The following MCC variants were observed in gnomAD, a reference collection of about 807,000 sequenced individuals.
MCC encodes the protein MCC regulator of Wnt signaling pathway.
A neutral mutation model predicts 116.2 loss-of-function variants in MCC; 90 were observed. The ratio of observed to expected loss-of-function variants is 0.77; its 90% CI spans 0.65 to 0.92. The LOEUF (loss-of-function observed/expected upper bound fraction) is 0.92, where lower values mean the gene tolerates loss of function less well. Ranked by LOEUF, MCC falls within the 40% of genes least tolerant of loss-of-function variation. The probability of loss-of-function intolerance (pLI) is 0.00; values close to 1 mark genes in which losing one functional copy is unlikely to be tolerated. For missense variants in MCC, 1,516 were observed against 1,312.2 expected (o/e 1.16, Z -2.40); for synonymous variants, 578 against 510.5 (o/e 1.13, Z -1.78).
intron 3 of MCC, among the ~76,000 whole-genome samples, chr5:113,265,639 G>C (rs1483243091): frequency 1.3e-5 from 2 of 152,052 alleles, no homozygotes; most frequent in African/African-American, 4.8e-5. Flanking sequence ...AAGTACACCG[G>C]GGTCTCTGGG....
In MCC at chr5:113,024,598, T is replaced by A. The variant is rs1285643321; in HGVS notation, c.*2704A>T. ...GGAAACTAGGGAGAACAATTCAAAA[T>A]ACGAAATCTGAAGGTTTTTAACCTC... is the stretch of plus-strand genomic sequence containing the variant. On this transcript the variant is annotated 3_prime_UTR_variant, in exon 19 of 19. Coordinates refer to ENST00000408903, the MANE Select transcript of MCC (RefSeq NM_001085377.2). The A allele has an allele frequency of 4.6e-5, 7 of 152,182 alleles. No homozygotes were observed. Among genetic ancestry groups the A allele is most frequent in the African/African-American group, 1.7e-4 (7 of 41,458 alleles). The allele number at this position is 152,182 out of a possible 1,614,324, so 9.4% of individuals were successfully genotyped here. A position where few individuals can be genotyped will look rare whatever the true frequency, so the allele number is the denominator to read the frequency against.
At chr5:113,474,779 A>G in intron 1 of MCC, among the ~76,000 whole-genome samples, 1 of 152,194 alleles carries the variant, frequency 6.6e-6, no homozygotes. Context: ...GCCTATAATA[A>G]ATATAAAATT....
chr5:113,358,216 A>C (rs1347716462), intron 2 of MCC, among the ~76,000 whole-genome samples: 1 of 152,212 alleles, frequency 6.6e-6, no homozygotes, highest in Non-Finnish European at 1.5e-5. Context: ...TTCCATTAGT[A>C]AGTCAGTCTT....
intron 1 of MCC, among the ~76,000 whole-genome samples, chr5:113,471,668 C>G (rs1772094804): frequency 6.6e-6 from 1 of 151,770 alleles, no homozygotes; most frequent in Non-Finnish European, 1.5e-5. Context: ...AAGCTGCATG[C>G]TGGGAGAACC....
At chr5:113,042,713 C>T (rs1254300504) in intron 17 of MCC, among the ~76,000 whole-genome samples, 1 of 151,738 alleles carries the variant, frequency 6.6e-6, no homozygotes, top group Non-Finnish European at 1.5e-5. Flanking sequence ...CTCTTGAGAA[C>T]TTGAAATGTC....
chr5:113,346,932 G>A (rs1421181481), intron 2 of MCC, among the ~76,000 whole-genome samples: 8 of 149,132 alleles, frequency 5.4e-5, no homozygotes, highest in African/African-American at 2.0e-4. Flanking sequence ...CATATTTAAA[G>A]TGCTGAAGGA....
chr5:113,479,375 C>T (rs1180737314), intron 1 of MCC, among the ~76,000 whole-genome samples: 3 of 152,144 alleles, frequency 2.0e-5, no homozygotes, highest in Non-Finnish European at 4.4e-5. Context: ...AAAATCAATC[C>T]TGATTTTGGT....
chr5:113,424,132 TACACACACACACACACAC>T (rs547192248), intron 1 of MCC, among the ~76,000 whole-genome samples: 126 of 112,706 alleles, frequency 1.1e-3, no homozygotes, highest in African/African-American at 3.7e-3. Flanking sequence ...AGTCATCCTC[TACACACACACACACACAC>T]ACACACACAC....
chr5:113,286,045 T>G (rs1581367403), intron 3 of MCC, among the ~76,000 whole-genome samples: 1 of 152,244 alleles, frequency 6.6e-6, no homozygotes, highest in Non-Finnish European at 1.5e-5. Context: ...CAAAGACTGT[T>G]GATATCCTAT....
rs1750309550 is a variant in MCC at position 113,023,569 on chromosome 5, C to G, written c.*3733G>C. 6.6e-6 allele frequency: 1 copy of G among 152,222 alleles called. No individual in the cohort carries two copies. 9.4% of individuals were successfully genotyped at this position (152,222 alleles called of 1,614,324 possible). On this transcript the variant is annotated 3_prime_UTR_variant, in exon 19 of 19. Transcript: ENST00000408903. Reference sequence around the variant, plus strand: ...CAGAAATCTCAACCATTACAGAAGTCTCTTACTATTTTGGCTCTCAAAATA... The same window carrying G: ...CAGAAATCTCAACCATTACAGAAGTGTCTTACTATTTTGGCTCTCAAAATA...
At chr5:113,474,484 GA>G (rs1772182408) in intron 1 of MCC, among the ~76,000 whole-genome samples, 2 of 152,328 alleles carry the variant, frequency 1.3e-5, no homozygotes, top group Non-Finnish European at 2.9e-5. Flanking sequence ...GATAATGCTG[GA>G]GGGGGAGTGG....
chr5:113,022,946 T>G lies in MCC; in HGVS notation c.*4356A>C, dbSNP rs1750251289. 6.6e-6 allele frequency: 1 copy of G among 152,196 alleles called. No individual in the cohort carries two copies. Among genetic ancestry groups the G allele is most frequent in the Non-Finnish European group, 1.5e-5 (1 of 68,024 alleles). 9.4% of individuals were successfully genotyped at this position (152,196 alleles called of 1,614,324 possible). On this transcript the variant is annotated 3_prime_UTR_variant, in exon 19 of 19. Transcript: ENST00000408903. ...ACAAACAGTTTACCCAGTGTAACCTTTAAGCAAAAATGTATGGTGATCTGC... is the reference window on the plus strand; with the variant it reads ...ACAAACAGTTTACCCAGTGTAACCTGTAAGCAAAAATGTATGGTGATCTGC...
At chr5:113,048,976 T>C in intron 16 of MCC, 117 bp downstream of exon 16, 1 of 943,154 alleles carries the variant, frequency 1.1e-6, no homozygotes, top group Non-Finnish European at 1.7e-6. Context: ...TGGCCTGCAT[T>C]TCCTATGCAA....
intron 3 of MCC, among the ~76,000 whole-genome samples, chr5:113,222,579 G>C (rs964487569): frequency 2.6e-5 from 4 of 152,122 alleles, no homozygotes; most frequent in African/African-American, 7.2e-5. Flanking sequence ...CAACTCATTT[G>C]TCAGATATTA....
intron 13 of MCC, 68 bp from the exon 14 acceptor site, chr5:113,064,235 T>C: frequency 6.2e-6 from 9 of 1,442,698 alleles, no homozygotes; most frequent in African/African-American, 5.6e-5. Flanking sequence ...GGAGGGACTA[T>C]GCATAATTAA....
chr5:113,337,755 T>G (rs1263967869), intron 3 of MCC, among the ~76,000 whole-genome samples: 1 of 152,192 alleles, frequency 6.6e-6, no homozygotes, highest in Non-Finnish European at 1.5e-5. Context: ...ATTTTATTAG[T>G]TCAAGATTTT....
chr5:113,354,883 G>T (rs1459609350), intron 2 of MCC, among the ~76,000 whole-genome samples: 2 of 150,932 alleles, frequency 1.3e-5, no homozygotes, highest in African/African-American at 4.9e-5. Flanking sequence ...ATAGCACTTT[G>T]TTCTTACGTA....
chr5:113,079,969 A>C (rs1480749119), intron 11 of MCC, among the ~76,000 whole-genome samples: 12 of 152,354 alleles, frequency 7.9e-5, no homozygotes. Context: ...AAAATCAAAC[A>C]ACCCCATCAA....
At chr5:113,415,743 T>C (rs150036397) in intron 1 of MCC, among the ~76,000 whole-genome samples, 1,540 of 152,286 alleles carry the variant, frequency 0.01, 15 homozygotes, top group Non-Finnish European at 0.017. Flanking sequence ...AAGTTTGTTA[T>C]TACCGACCTT....
Sources: gnomAD v4.1 joint callset for allele counts (sites outside exome capture counted in the v4.1 genomes callset) on GRCh38, gnomAD v4.1.1 for gene constraint, MANE v1.5 for transcripts, NCBI Gene and HGNC (gene_info 2026-07-23, HGNC 2026-07-21) for gene names.